The following PRR11 variants were observed in gnomAD, a reference collection of about 807,000 sequenced individuals.
PRR11 encodes proline-rich protein 11.
In PRR11, 30 loss-of-function variants were observed where a neutral mutation model predicts 45.6. The observed-to-expected ratio is 0.66, with a 90% confidence interval of 0.49 to 0.89. PRR11 has a LOEUF of 0.89. PRR11 is among the 40% of genes least tolerant of loss of function. The probability of loss-of-function intolerance (pLI) is 0.00; values close to 1 mark genes in which losing one functional copy is unlikely to be tolerated. For missense variants in PRR11, 373 were observed against 424.8 expected (o/e 0.88, Z 1.07); for synonymous variants, 128 against 153.5 (o/e 0.83, Z 1.23).
chr17:59,168,588 G>A (rs1326203426), intron 1 of PRR11, among the ~76,000 whole-genome samples: 1 of 152,034 alleles, frequency 6.6e-6, no homozygotes, highest in Non-Finnish European at 1.5e-5. Context: ...TACTTGGGAG[G>A]CTGAGGCAGG....
intron 2 of PRR11, among the ~76,000 whole-genome samples, chr17:59,172,631 C>G (rs1018905059): frequency 6.6e-6 from 1 of 152,368 alleles, no homozygotes; most frequent in East Asian, 1.9e-4. Flanking sequence ...TCGGCTGCCC[C>G]GGCCAGCCCG....
chr17:59,164,203 G>T (rs930892644), intron 1 of PRR11, among the ~76,000 whole-genome samples: 16 of 152,190 alleles, frequency 1.1e-4, no homozygotes, highest in African/African-American at 3.9e-4. Flanking sequence ...AGCAGTTGCA[G>T]CAGAGACCAT....
chr17:59,162,006 T>A (rs2046654896), intron 1 of PRR11, among the ~76,000 whole-genome samples: 1 of 152,190 alleles, frequency 6.6e-6, no homozygotes, highest in Admixed American at 6.5e-5. Context: ...TTTGTGTTCT[T>A]GTTTTGACTG....
At chr17:59,166,330 AC>A (rs2046680251) in intron 1 of PRR11, among the ~76,000 whole-genome samples, 1 of 152,224 alleles carries the variant, frequency 6.6e-6, no homozygotes, top group South Asian at 2.1e-4. Flanking sequence ...TACTTGAATA[AC>A]AACATCTTTG....
rs746170835 is a variant in PRR11, at chr17:59,185,499, C to CAAAA, written c.340_341insAAAA (p.Ser114LysfsTer13). The CAAAA allele has an allele frequency of 2.7e-5, 44 of 1,611,484 alleles. No homozygotes were observed. In the African/African-American group the frequency reaches 5.9e-4, roughly 22 times the overall value. Reference sequence around the variant, plus strand: ...CTCGTATCTGCCACCGAGAACTTTACAGTGTAAAACAACAGTTTTGCATTT... The same window carrying CAAAA: ...CTCGTATCTGCCACCGAGAACTTTACAAAAAGTGTAAAACAACAGTTTTGCATTT... On this transcript the variant is annotated frameshift_variant, in exon 4 of 10. Transcript: ENST00000262293. LOFTEE classifies it high-confidence loss of function.
chr17:59,176,822 G>A (rs2046749577), intron 2 of PRR11, among the ~76,000 whole-genome samples: 1 of 148,824 alleles, frequency 6.7e-6, no homozygotes, highest in African/African-American at 2.5e-5. Flanking sequence ...TGAGCCTCCC[G>A]AGTAGTTTGG....
chr17:59,184,955 C>G, intron 2 of PRR11, 99 bp from the exon 3 acceptor site: 1 of 1,141,498 alleles, frequency 8.8e-7, no homozygotes, highest in Non-Finnish European at 1.2e-6. Context: ...CCTCAGCCTC[C>G]CAAAGTGCTA....
chr17:59,180,302 T>C (rs1464285486), intron 2 of PRR11, among the ~76,000 whole-genome samples: 2 of 150,402 alleles, frequency 1.3e-5, no homozygotes, highest in East Asian at 3.9e-4. Flanking sequence ...AGCTCATTTT[T>C]GTTCTTTTAG....
chr17:59,191,667 C>A (rs1325788661), intron 4 of PRR11, among the ~76,000 whole-genome samples: 1 of 152,152 alleles, frequency 6.6e-6, no homozygotes, highest in Non-Finnish European at 1.5e-5. Flanking sequence ...CCTCTCAGCT[C>A]TTCCATTATA....
chr17:59,177,010 A>G (rs1468007520), intron 2 of PRR11, among the ~76,000 whole-genome samples: 1 of 152,090 alleles, frequency 6.6e-6, no homozygotes, highest in Non-Finnish European at 1.5e-5. Flanking sequence ...GTTTCTTTTT[A>G]GAAACAGCAG....
intron 2 of PRR11, among the ~76,000 whole-genome samples, chr17:59,180,407 A>G (rs2046775587): frequency 3.3e-5 from 5 of 150,888 alleles, no homozygotes. Context: ...CTGGGATTAC[A>G]GGTGTGAGCC....
chr17:59,193,379 C>G, intron 4 of PRR11, 113 bp from the exon 5 acceptor site: 1 of 1,279,704 alleles, frequency 7.8e-7, no homozygotes, highest in South Asian at 1.4e-5. Flanking sequence ...TCAGGAAGCA[C>G]ATGGTACGCT....
chr17:59,195,424 CGA>C lies in PRR11; in HGVS notation c.840_841del (p.Val281TyrfsTer19). On this transcript the variant is annotated frameshift_variant, in exon 7 of 10. Transcript: ENST00000262293. LOFTEE classifies it high-confidence loss of function. ...ACCTAACTCCAAAGTGTTATCGACT[CGA>C]GTTACAAACGTCTTAATGTAAGGAA... ...LKPNSKVLST[R>X]VTNVLITPGK... is the part of the protein sequence containing the mutation. The C allele has an allele frequency of 6.2e-7, 1 of 1,609,034 alleles. No individual in the cohort carries two copies. The highest frequency in any genetic ancestry group is 8.5e-7 in the Non-Finnish European group (1 of 1,175,594).
chr17:59,197,987 T>C (rs2147856549), intron 9 of PRR11, 198 bp downstream of exon 9: 1 of 545,358 alleles, frequency 1.8e-6, no homozygotes, highest in Non-Finnish European at 3.3e-6. Context: ...TGGTGGTGCA[T>C]GCCTGTAGTT....
intron 2 of PRR11, among the ~76,000 whole-genome samples, chr17:59,175,597 G>A (rs1273739865): frequency 2.0e-5 from 3 of 152,188 alleles, no homozygotes; most frequent in Non-Finnish European, 4.4e-5. Flanking sequence ...ACAAAAATCA[G>A]CCTGGTGTGG....
chr17:59,182,008 C>T (rs2046789637), intron 2 of PRR11, among the ~76,000 whole-genome samples: 1 of 139,384 alleles, frequency 7.2e-6, no homozygotes, highest in Non-Finnish European at 1.5e-5. Flanking sequence ...TCCTTTTTTG[C>T]TTGTTTTTTT....
chr17:59,194,619 G>T (rs555581835), intron 5 of PRR11, 138 bp from the exon 6 acceptor site: 2 of 534,252 alleles, frequency 3.7e-6, no homozygotes, highest in Non-Finnish European at 3.3e-6. Context: ...TCTTGGTTGA[G>T]TAGAAAGAAT....
chr17:59,184,221 G>A (rs2046802636), intron 2 of PRR11, among the ~76,000 whole-genome samples: 1 of 152,194 alleles, frequency 6.6e-6, no homozygotes, highest in Non-Finnish European at 1.5e-5. Context: ...CAGCACTTTG[G>A]GAGGCCAAAG....
At chr17:59,191,572 C>A (rs762777247) in intron 4 of PRR11, among the ~76,000 whole-genome samples, 2 of 152,108 alleles carry the variant, frequency 1.3e-5, no homozygotes, top group Non-Finnish European at 2.9e-5. Flanking sequence ...GATATACCAC[C>A]TCCACCTTTT....
Sources: allele counts gnomAD v4.1 joint callset (sites outside exome capture counted in the v4.1 genomes callset), GRCh38; gene constraint gnomAD v4.1.1; transcripts MANE v1.5; gene names NCBI Gene and HGNC (gene_info 2026-07-23, HGNC 2026-07-21).